ABLIM3: variants seen among roughly 807,000 people sequenced by gnomAD.
The protein encoded by ABLIM3 is actin-binding LIM protein 3.
ABLIM3 carries 61 observed loss-of-function variants against 109.5 expected under a neutral mutation model. The ratio of observed to expected loss-of-function variants is 0.56; its 90% CI spans 0.45 to 0.69. The LOEUF is 0.69. Ranked by LOEUF, ABLIM3 falls within the 30% of genes least tolerant of loss-of-function variation. The probability of loss-of-function intolerance (pLI) is 0.00; values close to 1 mark genes in which losing one functional copy is unlikely to be tolerated. For missense variants in ABLIM3, 796 were observed against 889.5 expected, an observed-to-expected ratio of 0.89 and a Z score of 1.34; for synonymous variants, 300 against 324.8, an observed-to-expected ratio of 0.92 and a Z score of 0.82.
intron 2 of ABLIM3, among the ~76,000 whole-genome samples, chr5:149,173,771 C>G (rs1056295365): frequency 1.3e-5 from 2 of 152,220 alleles, no homozygotes; most frequent in African/African-American, 4.8e-5. Flanking sequence ...CCTGTAATCC[C>G]AGCACTTTGG....
intron 2 of ABLIM3, among the ~76,000 whole-genome samples, chr5:149,147,244 A>G (rs1031611844): frequency 6.6e-6 from 1 of 152,060 alleles, no homozygotes; most frequent in African/African-American, 2.4e-5. Flanking sequence ...GTATCCTGAG[A>G]CTTCACTGAA....
chr5:149,157,927 G>T (rs1283362339), intron 2 of ABLIM3, among the ~76,000 whole-genome samples: 1 of 152,084 alleles, frequency 6.6e-6, no homozygotes, highest in Non-Finnish European at 1.5e-5. Flanking sequence ...AACTGAAAGG[G>T]TACCAACAAA....
Position 149,259,838 on chromosome 5 carries a change from A to C in ABLIM3, c.*1434A>C. On this transcript the variant is annotated 3_prime_UTR_variant, in exon 24 of 24. Coordinates refer to ENST00000309868, the MANE Select transcript of ABLIM3 (RefSeq NM_014945.5). ...ACTCTCAAGAGGCTGGCGATGTGAC[A>C]TGGCAAATGTAGAACTGACTTAAAT... 1.9e-6 allele frequency: 1 copy of C among 534,746 alleles called. No individual in the cohort carries two copies. Among genetic ancestry groups the C allele is most frequent in the Non-Finnish European group, 3.4e-6 (1 of 297,012 alleles). 33.1% of individuals were successfully genotyped at this position (534,746 alleles called of 1,614,324 possible).
In ABLIM3 at chr5:149,246,484, C is replaced by T. The variant is rs1299394773; in HGVS notation, c.1489C>T (p.Pro497Ser). The change falls in exon 17 of 24, where the codon CCC (proline) becomes TCC (serine). Residue 497 changes from proline to serine, a missense_variant and splice_region_variant. Coordinates refer to ENST00000309868, the MANE Select transcript of ABLIM3 (RefSeq NM_014945.5). ...YWTYHGSPKV[P>S]RARRFSSGGE... Reference sequence around the variant, plus strand: ...TGATCTTTTCTGTCTTTTGACAGTGCCCCGAGCCAGAAGGTTCTCGTCTGG... The same window carrying T: ...TGATCTTTTCTGTCTTTTGACAGTGTCCCGAGCCAGAAGGTTCTCGTCTGG... 6 of 1,613,956 alleles carry T rather than the reference C, an allele frequency of 3.7e-6. No homozygotes were observed. In the East Asian group the frequency reaches 1.3e-4, roughly 36 times the overall value.
intron 2 of ABLIM3, among the ~76,000 whole-genome samples, chr5:149,162,530 G>A (rs1581016296): frequency 1.3e-5 from 2 of 152,308 alleles, no homozygotes; most frequent in Middle Eastern, 3.4e-3. Flanking sequence ...TTTGTGTCTG[G>A]AAGGGCGTGA....
In ABLIM3 at chr5:149,198,904, G is replaced by A. The variant is rs1159069597; in HGVS notation, c.335+502G>A. On this transcript the variant is annotated intron_variant, in intron 4 of 23. Coordinates refer to ENST00000309868, the MANE Select transcript of ABLIM3 (RefSeq NM_014945.5). The surrounding 1 kb of genome is among the most constrained non-coding windows in gnomAD (Gnocchi z 4.2). ...CTCCACAGGTAAAATGGAGGTCAAA[G>A]CCATTCCAACCTCATTGGGTTTTCT... 2 of 374,526 alleles carry A rather than the reference G, an allele frequency of 5.3e-6. No individual in the cohort carries two copies. The highest frequency in any genetic ancestry group is 4.2e-5 in the African/African-American group (2 of 47,530). 23.2% of individuals were successfully genotyped at this position (374,526 alleles called of 1,614,324 possible).
At position 149,198,267 on chromosome 5, in the gene ABLIM3, A is replaced by G; in HGVS notation, c.200A>G (p.Glu67Gly). Reference protein sequence around the residue: ...AQSGFFFKNQEYICTQDYQQL... With the variant: ...AQSGFFFKNQGYICTQDYQQL... The stretch of plus-strand genomic sequence containing the variant: ...TCAGGCTTCTTCTTCAAGAACCAGG[A>G]GTACATCTGCACCCAGGACTACCAG... The change falls in exon 4 of 24, where the codon GAG becomes GGG. Residue 67 changes from glutamate (E) to glycine (G), a missense_variant. Physicochemically the swap from Glu to Gly is moderately conservative, Grantham distance 98. Coordinates refer to ENST00000309868, the MANE Select transcript of ABLIM3 (RefSeq NM_014945.5). This position sits in a 1 kb window ranked among gnomAD's most constrained non-coding sequence, Gnocchi z 4.2. 6.2e-7 allele frequency: 1 copy of G among 1,614,166 alleles called. No homozygotes were observed. The highest frequency in any genetic ancestry group is 8.5e-7 in the Non-Finnish European group (1 of 1,180,010).
chr5:149,210,049 C>G (rs201651187), intron 6 of ABLIM3, among the ~76,000 whole-genome samples: 1 of 152,200 alleles, frequency 6.6e-6, no homozygotes, highest in Non-Finnish European at 1.5e-5. Context: ...CTAAGCTCTC[C>G]GATGCCCCCA....
At chr5:149,197,345 A>T (rs1247227124) in intron 3 of ABLIM3, among the ~76,000 whole-genome samples, 1 of 152,080 alleles carries the variant, frequency 6.6e-6, no homozygotes, top group Non-Finnish European at 1.5e-5. Context: ...TTCAACTCAG[A>T]TGCTACCTCC....
chr5:149,158,841 A>G (rs1554080785), intron 2 of ABLIM3, among the ~76,000 whole-genome samples: 1 of 152,206 alleles, frequency 6.6e-6, no homozygotes, highest in Non-Finnish European at 1.5e-5. Flanking sequence ...GTTAATAAGC[A>G]CATAAAAAGG....
In ABLIM3 at chr5:149,198,802, C is replaced by T. The variant is rs1758226259; in HGVS notation, c.335+400C>T. On this transcript the variant is annotated intron_variant, in intron 4 of 23. Coordinates refer to ENST00000309868, the MANE Select transcript of ABLIM3 (RefSeq NM_014945.5). The surrounding 1 kb of genome is among the most constrained non-coding windows in gnomAD (Gnocchi z 4.2). ...GACAGGGATGTCTGTACATAGCCTT[C>T]CTCCATCATCCTGGCACCACCTCAT... Among the ~76,000 whole-genome samples the T allele has an allele frequency of 1.3e-5, 2 of 152,182 alleles. No homozygotes were observed. The highest frequency in any genetic ancestry group is 4.1e-4 in the South Asian group (2 of 4,824).
At chr5:149,247,730 CAG>C in intron 17 of ABLIM3, 50 bp from the exon 18 acceptor site, 2 of 1,612,784 alleles carry the variant, frequency 1.2e-6, no homozygotes, top group Non-Finnish European at 1.7e-6. Context: ...CGTTCCATCT[CAG>C]TGTCCTTTGT....
At chr5:149,200,460 A>G (rs762785799) in intron 5 of ABLIM3, 32 bp downstream of exon 5, 2 of 1,598,554 alleles carry the variant, frequency 1.3e-6, no homozygotes, top group Non-Finnish European at 1.7e-6. Context: ...CTCCCTGTCC[A>G]TGGGTGTGAT....
chr5:149,207,229 C>T, intron 6 of ABLIM3, 95 bp downstream of exon 6: 1 of 1,495,584 alleles, frequency 6.7e-7, no homozygotes, highest in South Asian at 1.3e-5. Flanking sequence ...GCATCATCTC[C>T]CTTCCTTTCC....
intron 12 of ABLIM3, 110 bp from the exon 13 acceptor site, chr5:149,239,649 T>C: frequency 1.4e-6 from 2 of 1,461,768 alleles, no homozygotes; most frequent in Non-Finnish European, 1.8e-6. Flanking sequence ...TATTCACACC[T>C]CAAACCCGAG....
rs962852345 is a variant in ABLIM3, at chr5:149,224,511, G to T, written c.758-6138G>T. Among the ~76,000 whole-genome samples the T allele has an allele frequency of 3.9e-5, 6 of 152,258 alleles. No individual in the cohort carries two copies. The East Asian group carries it at 5.8e-4, about 15-fold the overall frequency. On this transcript the variant is annotated intron_variant, in intron 8 of 23. Transcript: ENST00000309868. ...CAAGCCCAACCTCCCAGGAGGGTGCGCTGGCAACCAAGCCAGGCTTCTGTT... is the reference window on the plus strand; with the variant it reads ...CAAGCCCAACCTCCCAGGAGGGTGCTCTGGCAACCAAGCCAGGCTTCTGTT...
In ABLIM3 at chr5:149,252,830, G is replaced by A. The variant is rs201757785; in HGVS notation, c.1931G>A (p.Arg644His). 9.9e-5 allele frequency: 159 copies of A among 1,612,788 alleles called. No individual in the cohort carries two copies. Among genetic ancestry groups the A allele is most frequent in the East Asian group, 4.5e-5 (2 of 44,858 alleles). Residue 644 changes from arginine to histidine, a missense_variant, in exon 23 of 24, where the codon CGT becomes CAT. Physicochemically the swap from Arg to His is conservative, Grantham distance 29. Coordinates refer to ENST00000309868, the MANE Select transcript of ABLIM3 (RefSeq NM_014945.5). Reference sequence around the variant, plus strand: ...CTGCCCAAGGATGTAGACAGGACCCGTTTAGAGGTAAGTCTAAAAAACTGA... The same window carrying A: ...CTGCCCAAGGATGTAGACAGGACCCATTTAGAGGTAAGTCTAAAAAACTGA... ...NRLPKDVDRTRLERHLSQEEF... is the reference protein window; with the variant it reads ...NRLPKDVDRTHLERHLSQEEF...
At chr5:149,178,234 G>C (rs975439715) in intron 2 of ABLIM3, among the ~76,000 whole-genome samples, 1 of 152,162 alleles carries the variant, frequency 6.6e-6, no homozygotes, top group Non-Finnish European at 1.5e-5. Flanking sequence ...AAAATGCCTG[G>C]ACCCACAGTT....
At chr5:149,192,169 A>G (rs2127487432) in intron 3 of ABLIM3, among the ~76,000 whole-genome samples, 1 of 152,272 alleles carries the variant, frequency 6.6e-6, no homozygotes, top group East Asian at 1.9e-4. Flanking sequence ...GGAGGGTCCT[A>G]GACAATCCAG....
Sources: gnomAD v4.1 joint callset for allele counts (sites outside exome capture counted in the v4.1 genomes callset) on GRCh38, gnomAD v4.1.1 for gene constraint, Gnocchi (gnomAD v3.1) non-coding constraint, MANE v1.5 for transcripts, NCBI Gene and HGNC (gene_info 2026-07-23, HGNC 2026-07-21) for gene names.